ADAMTSL1: variants seen among roughly 807,000 people sequenced by gnomAD.
ADAMTSL1 encodes ADAMTS-like protein 1.
A neutral mutation model predicts 201.8 loss-of-function variants in ADAMTSL1; 126 were observed. The ratio of observed to expected loss-of-function variants is 0.62; its 90% CI spans 0.54 to 0.72. ADAMTSL1 has a LOEUF of 0.72. ADAMTSL1 is among the 30% of genes least tolerant of loss of function. The pLI is 0.00. For synonymous variants in ADAMTSL1, 1,121 were observed against 903.4 expected (o/e 1.24, Z -4.32); for missense variants, 2,679 against 2,277.8 (o/e 1.18, Z -3.59).
chr9:18,703,993 G>A (rs1832084753), intron 13 of ADAMTSL1, among the ~76,000 whole-genome samples: 1 of 151,832 alleles, frequency 6.6e-6, no homozygotes, highest in South Asian at 2.1e-4. Flanking sequence ...TATTCCATAA[G>A]CTTATATATG....
intron 2 of ADAMTSL1, among the ~76,000 whole-genome samples, chr9:18,380,480 G>A (rs981481860): frequency 6.6e-6 from 1 of 152,136 alleles, no homozygotes; most frequent in Non-Finnish European, 1.5e-5. Flanking sequence ...TGAGTTTGAT[G>A]TTTCTTCCCT....
At chr9:18,033,938 A>G (rs1821085594) in intron 1 of ADAMTSL1, among the ~76,000 whole-genome samples, 2 of 152,254 alleles carry the variant, frequency 1.3e-5, no homozygotes, top group South Asian at 4.1e-4. Context: ...AAGTCCTTCT[A>G]ACAAGTTTTG....
chr9:18,704,184 T>C (rs1398743401), intron 13 of ADAMTSL1, among the ~76,000 whole-genome samples: 2 of 152,178 alleles, frequency 1.3e-5, no homozygotes, highest in Non-Finnish European at 2.9e-5. Context: ...TAAAGTTTTA[T>C]TGGAACACAG....
At chr9:17,994,228 T>C (rs1819282106) in intron 1 of ADAMTSL1, among the ~76,000 whole-genome samples, 2 of 152,148 alleles carry the variant, frequency 1.3e-5, no homozygotes, top group African/African-American at 4.8e-5. Flanking sequence ...TGACATTGGC[T>C]GTAAATGGCT....
intron 19 of ADAMTSL1, among the ~76,000 whole-genome samples, chr9:18,794,158 TA>T (rs1330455817): frequency 1.3e-5 from 2 of 151,744 alleles, no homozygotes; most frequent in Admixed American, 1.3e-4. Context: ...GTGGGGAAAA[TA>T]AAAGCAATAA....
chr9:18,382,089 G>A (rs1837582721), intron 2 of ADAMTSL1, among the ~76,000 whole-genome samples: 2 of 152,158 alleles, frequency 1.3e-5, no homozygotes, highest in South Asian at 4.1e-4. Flanking sequence ...TGATTGTGTA[G>A]ATTGACTTGC....
At chr9:18,263,760 C>A (rs1261618947) in intron 2 of ADAMTSL1, among the ~76,000 whole-genome samples, 1 of 152,110 alleles carries the variant, frequency 6.6e-6, no homozygotes, top group East Asian at 1.9e-4. Context: ...TAGAAAGAGA[C>A]TCGAGAAAGC....
intron 21 of ADAMTSL1, among the ~76,000 whole-genome samples, chr9:18,820,353 T>C (rs1291869474): frequency 1.3e-5 from 2 of 152,328 alleles, no homozygotes; most frequent in East Asian, 3.9e-4. Context: ...GATATGTAGA[T>C]ACGGTTGTTG....
intron 19 of ADAMTSL1, among the ~76,000 whole-genome samples, chr9:18,789,166 T>C (rs1588113341): frequency 6.6e-6 from 1 of 152,298 alleles, no homozygotes; most frequent in East Asian, 1.9e-4. Flanking sequence ...AGCCCTGGCA[T>C]GAAGAGTGAA....
intron 2 of ADAMTSL1, among the ~76,000 whole-genome samples, chr9:18,382,573 G>C (rs367613378): frequency 5.9e-5 from 9 of 151,902 alleles, no homozygotes; most frequent in African/African-American, 1.9e-4. Flanking sequence ...TGGAGTCTTC[G>C]AGTACAGCAA....
At chr9:18,685,060 T>C in intron 13 of ADAMTSL1, 1 of 1,048,038 alleles carries the variant, frequency 9.5e-7, no homozygotes, top group Non-Finnish European at 1.2e-6. Context: ...TCTGACCTCC[T>C]CTCTTCTCTG....
chr9:18,276,595 C>T (rs1224477128), intron 2 of ADAMTSL1, among the ~76,000 whole-genome samples: 1 of 152,198 alleles, frequency 6.6e-6, no homozygotes, highest in East Asian at 1.9e-4. Context: ...GCTCACAGTT[C>T]TGCAGGCTGT....
intron 21 of ADAMTSL1, chr9:18,826,056 A>G: frequency 1.6e-6 from 1 of 609,746 alleles, no homozygotes; most frequent in Non-Finnish European, 2.9e-6. Context: ...GACAACTGAG[A>G]TGTTTATCTT....
chr9:18,499,696 C>T (rs1317226627), intron 1 of ADAMTSL1, among the ~76,000 whole-genome samples: 1 of 152,178 alleles, frequency 6.6e-6, no homozygotes, highest in East Asian at 1.9e-4. Flanking sequence ...AAGTGGAAAA[C>T]CAGAGGTTCA....
intron 2 of ADAMTSL1, among the ~76,000 whole-genome samples, chr9:18,447,568 T>C (rs1820239667): frequency 6.6e-6 from 1 of 152,284 alleles, no homozygotes; most frequent in Non-Finnish European, 1.5e-5. Context: ...GACATTGTCC[T>C]GGATGGGGGA....
chr9:18,890,804 C>T (rs1829209195), intron 25 of ADAMTSL1: 20 of 342,602 alleles, frequency 5.8e-5, no homozygotes, highest in South Asian at 4.3e-4. Flanking sequence ...CTGACATTCA[C>T]CAGGGATATA....
intron 7 of ADAMTSL1, among the ~76,000 whole-genome samples, chr9:18,656,628 CAAAAAAA>C (rs34965386): frequency 6.8e-4 from 51 of 75,368 alleles, no homozygotes; most frequent in Non-Finnish European, 9.7e-4. Flanking sequence ...GACTCCATCG[CAAAAAAA>C]AAAAAAAAAA....
chr9:18,142,334 T>C (rs1426586414), intron 1 of ADAMTSL1, among the ~76,000 whole-genome samples: 2 of 152,314 alleles, frequency 1.3e-5, no homozygotes, highest in East Asian at 3.9e-4. Context: ...CTTGCTGTCT[T>C]TGTCTGTGCT....
At chr9:18,826,532 C>T (rs1824582120) in intron 22 of ADAMTSL1, 69 bp downstream of exon 22, 3 of 1,522,500 alleles carry the variant, frequency 2.0e-6, no homozygotes, top group Admixed American at 2.0e-5. Flanking sequence ...CACCCTCTAC[C>T]TCCTTTGTGC....
Sources: gnomAD v4.1 joint callset for allele counts (sites outside exome capture counted in the v4.1 genomes callset) on GRCh38, gnomAD v4.1.1 for gene constraint, MANE v1.5 for transcripts, NCBI Gene and HGNC (gene_info 2026-07-23, HGNC 2026-07-21) for gene names.